Variants in FAM178B observed in about 807,000 individuals in gnomAD.
FAM178B encodes family with sequence similarity 178 member B.
A neutral mutation model predicts 91.7 loss-of-function variants in FAM178B; 82 were observed. The observed-to-expected ratio is 0.89, with a 90% CI of 0.75 to 1.07. FAM178B has a LOEUF of 1.07. Among genes scored for constraint, FAM178B ranks in the 50% least tolerant of loss-of-function variants. FAM178B has a pLI of 0.00. For synonymous variants in FAM178B, 368 were observed against 359.4 expected (o/e 1.02, Z -0.27); for missense variants, 769 against 846.7 (o/e 0.91, Z 1.14).
chr2:96,986,400 G>A lies in FAM178B; in HGVS notation c.-87C>T. 2 of 1,465,370 alleles carry A rather than the reference G, an allele frequency of 1.4e-6. No homozygotes were observed. The highest frequency in any genetic ancestry group is 1.8e-6 in the Non-Finnish European group (2 of 1,107,742). 90.8% of individuals were successfully genotyped at this position (1,465,370 alleles called of 1,614,324 possible). A position where few individuals can be genotyped will look rare whatever the true frequency, so the allele number is the denominator to read the frequency against. On this transcript the variant is annotated 5_prime_UTR_variant, in exon 1 of 17. Coordinates refer to ENST00000490605, the MANE Select transcript of FAM178B (RefSeq NM_001122646.3). ...GGACGGGGCCAGCTAGCCGGGAAAG[G>A]AAGCAGGAGCAGGCTCCCCAGGCGG...
Position 96,967,490 on chromosome 2 carries a change from G to A in FAM178B, c.734+30C>T, listed in dbSNP as rs573959805. 5.4e-5 allele frequency: 77 copies of A among 1,424,834 alleles called. No individual in the cohort carries two copies. The South Asian group carries it at 8.6e-4, about 16-fold the overall frequency. 88.3% of individuals were successfully genotyped at this position (1,424,834 alleles called of 1,614,324 possible). A position where few individuals can be genotyped will look rare whatever the true frequency, so the allele number is the denominator to read the frequency against. ...GTTGGCACCTCAGTCTTTCCCCTTC[G>A]GAGGCTGGTGCCAGGCCCCTGCCCC... On this transcript the variant is annotated intron_variant, in intron 5 of 16. Coordinates refer to ENST00000490605, the MANE Select transcript of FAM178B (RefSeq NM_001122646.3).
Position 96,901,324 on chromosome 2 carries a change from C to T in FAM178B, c.1650+1296G>A, listed in dbSNP as rs1211719227. ...AGTAGCTGGGATTACAGGCGCCTGCCAGCATGCCCGGCTAATTTTTTGTTT... is the reference window on the plus strand; with the variant it reads ...AGTAGCTGGGATTACAGGCGCCTGCTAGCATGCCCGGCTAATTTTTTGTTT... On this transcript the variant is annotated intron_variant, in intron 13 of 16. Coordinates refer to ENST00000490605, the MANE Select transcript of FAM178B (RefSeq NM_001122646.3). Among the ~76,000 whole-genome samples the T allele has an allele frequency of 4.6e-5, 7 of 152,118 alleles. No individual in the cohort carries two copies. In the South Asian group the frequency reaches 8.3e-4, roughly 18 times the overall value.
intron 1 of FAM178B, among the ~76,000 whole-genome samples, chr2:96,984,413 C>T (rs551792617): frequency 6.6e-6 from 1 of 152,276 alleles, no homozygotes; most frequent in South Asian, 2.1e-4. Context: ...AAGATGCAGT[C>T]TCTGCCCTAG....
chr2:96,916,609 A>G (rs993763726), intron 12 of FAM178B, among the ~76,000 whole-genome samples: 7 of 152,084 alleles, frequency 4.6e-5, no homozygotes, highest in Admixed American at 6.5e-5. Flanking sequence ...AGCTGCCCCA[A>G]TGGCGCCACC....
intron 6 of FAM178B, among the ~76,000 whole-genome samples, chr2:96,955,466 G>T (rs1343745428): frequency 6.6e-6 from 1 of 151,432 alleles, no homozygotes; most frequent in African/African-American, 2.4e-5. Context: ...AGCCAAGATT[G>T]CGCCACTGCA....
rs192173038 is a variant in FAM178B, at chr2:96,970,806, C to T, written c.565-29G>A. 164 of 1,495,604 alleles carry T rather than the reference C, an allele frequency of 1.1e-4. No individual in the cohort carries two copies. In the Admixed American group the frequency reaches 1.5e-3, roughly 14 times the overall value. The allele number at this position is 1,495,604 out of a possible 1,614,324, so 92.6% of individuals were successfully genotyped here. ...GAGAAACAGGACATGGGAATGAGGACGACAGAGAAGTACAAAGATAGAGGA... is the reference window on the plus strand; with the variant it reads ...GAGAAACAGGACATGGGAATGAGGATGACAGAGAAGTACAAAGATAGAGGA... On this transcript the variant is annotated intron_variant, in intron 3 of 16. Transcript: ENST00000490605.
At chr2:96,955,520 G>GA (rs1185149450) in intron 6 of FAM178B, among the ~76,000 whole-genome samples, 25 of 134,238 alleles carry the variant, frequency 1.9e-4, no homozygotes, top group Non-Finnish European at 3.2e-4. Context: ...CAAAAAAAAA[G>GA]AAAAAAAAAA....
intron 9 of FAM178B, among the ~76,000 whole-genome samples, chr2:96,926,198 G>A (rs1034911636): frequency 6.6e-6 from 1 of 152,196 alleles, no homozygotes; most frequent in African/African-American, 2.4e-5. Context: ...AGGTACTCAG[G>A]AGGCTGAGGC....
At chr2:96,910,530 C>T (rs1054507453) in intron 12 of FAM178B, among the ~76,000 whole-genome samples, 9 of 152,180 alleles carry the variant, frequency 5.9e-5, no homozygotes, top group African/African-American at 1.2e-4. Flanking sequence ...AGCCCCAAAC[C>T]GCACTCCTTG....
At chr2:96,933,373 T>TA (rs1223252590) in intron 8 of FAM178B, among the ~76,000 whole-genome samples, 4 of 151,904 alleles carry the variant, frequency 2.6e-5, no homozygotes, top group Non-Finnish European at 4.4e-5. Context: ...AACTGACACT[T>TA]GGGGGTATGG....
intron 8 of FAM178B, among the ~76,000 whole-genome samples, chr2:96,932,359 A>C (rs1218706819): frequency 6.6e-6 from 1 of 152,248 alleles, no homozygotes; most frequent in African/African-American, 2.4e-5. Context: ...GGGGCCTGGG[A>C]GGCCTCGGGA....
chr2:96,901,319 C>T (rs1050073068), intron 13 of FAM178B, among the ~76,000 whole-genome samples: 4 of 151,854 alleles, frequency 2.6e-5, no homozygotes, highest in Non-Finnish European at 4.4e-5. Context: ...ATTACAGGCG[C>T]CTGCCAGCAT....
intron 1 of FAM178B, among the ~76,000 whole-genome samples, chr2:96,983,386 C>T (rs1351215188): frequency 6.6e-6 from 1 of 152,152 alleles, no homozygotes; most frequent in East Asian, 1.9e-4. Context: ...CTGCCTCTAT[C>T]ACCACCGATT....
At chr2:96,971,789 G>A (rs962427141) in intron 3 of FAM178B, 112 bp downstream of exon 3, 20 of 1,077,404 alleles carry the variant, frequency 1.9e-5, no homozygotes, top group African/African-American at 1.4e-4. Context: ...TGAAGTGTCC[G>A]AGGAAGAGCA....
At chr2:96,952,170 C>T (rs950727271) in intron 6 of FAM178B, among the ~76,000 whole-genome samples, 4 of 152,254 alleles carry the variant, frequency 2.6e-5, no homozygotes, top group Non-Finnish European at 5.9e-5. Flanking sequence ...CTGCAAGGGG[C>T]GGGCACGATT....
At chr2:96,985,773 T>C (rs1374849825) in intron 1 of FAM178B, among the ~76,000 whole-genome samples, 1 of 152,324 alleles carries the variant, frequency 6.6e-6, no homozygotes, top group Admixed American at 6.5e-5. Flanking sequence ...CAGCGGCTCC[T>C]GTCAGCAAGG....
At chr2:96,955,734 C>T (rs1044409296) in intron 6 of FAM178B, among the ~76,000 whole-genome samples, 7 of 152,040 alleles carry the variant, frequency 4.6e-5, no homozygotes, top group African/African-American at 1.7e-4. Flanking sequence ...CTCAGGGATC[C>T]CATAATGGCC....
intron 12 of FAM178B, among the ~76,000 whole-genome samples, chr2:96,903,395 G>A (rs1476955136): frequency 6.6e-6 from 1 of 152,228 alleles, no homozygotes; most frequent in Admixed American, 6.5e-5. Context: ...CACCTCTGCA[G>A]GGTGGGGGAG....
At chr2:96,916,715 C>T (rs1286210032) in intron 12 of FAM178B, among the ~76,000 whole-genome samples, 1 of 152,218 alleles carries the variant, frequency 6.6e-6, no homozygotes, top group Admixed American at 6.5e-5. Context: ...CATGGTTAGG[C>T]CCAGCTCTTC....
Sources: gnomAD v4.1 joint callset for allele counts (sites outside exome capture counted in the v4.1 genomes callset) on GRCh38, gnomAD v4.1.1 for gene constraint, MANE v1.5 for transcripts, NCBI Gene and HGNC (gene_info 2026-07-23, HGNC 2026-07-21) for gene names.